ZMIZ1: variants seen among roughly 807,000 people sequenced by gnomAD.
The protein encoded by ZMIZ1 is zinc finger MIZ-type containing 1, also known as zinc finger MIZ domain-containing protein 1.
Under a neutral mutation model 113.9 loss-of-function variants are expected in ZMIZ1, and 17 were observed. The observed-to-expected ratio is 0.15, with a 90% CI of 0.10 to 0.22. ZMIZ1 has a LOEUF of 0.22. Among genes scored for constraint, ZMIZ1 ranks in the 10% least tolerant of loss-of-function variants. The pLI, the probability that ZMIZ1 is intolerant of heterozygous loss-of-function variation, is 1.00. For missense variants in ZMIZ1, 1,059 were observed against 1,477.8 expected (o/e 0.72, Z 4.65); for synonymous variants, 607 against 603.1 (o/e 1.01, Z -0.09).
chr10:79,256,671 C>T (rs1935311047), intron 7 of ZMIZ1, among the ~76,000 whole-genome samples: 1 of 152,244 alleles, frequency 6.6e-6, no homozygotes, highest in Non-Finnish European at 1.5e-5. Flanking sequence ...GACTCTTAAG[C>T]TCCAGCTGTT....
Position 79,305,164 on chromosome 10 carries a change from T to G in ZMIZ1, c.2287T>G (p.Cys763Gly). The G allele has an allele frequency of 1.2e-6, 2 of 1,614,160 alleles. No individual in the cohort carries two copies. Among genetic ancestry groups the G allele is most frequent in the Non-Finnish European group, 1.7e-6 (2 of 1,180,018 alleles). Residue 763 changes from cysteine (C) to glycine (G), a missense_variant and splice_region_variant, in exon 20 of 25, where the codon TGC becomes GGC. Cys to Gly is a radical substitution (Grantham distance 159). Around this residue, in one of 6 missense-constraint regions of ZMIZ1, gnomAD observed 217 missense variants for 426.9 expected, o/e 0.51. Transcript: ENST00000334512. ...ARGHDCKHVQCFDLESYLQLN... is the reference protein window; with the variant it reads ...ARGHDCKHVQGFDLESYLQLN... ...CCTGTGTCTGTCTGTCTGTCTGCAG[T>G]GCTTTGATCTGGAGTCATACCTGCA...
chr10:79,166,001 T>G (rs1419823519), intron 4 of ZMIZ1, among the ~76,000 whole-genome samples: 176 of 61,856 alleles, frequency 2.8e-3, no homozygotes, highest in Non-Finnish European at 4.4e-3. Context: ...TGTGTGTGTG[T>G]GGGCTCTCCC....
At chr10:79,169,794 C>T (rs987297382) in intron 4 of ZMIZ1, among the ~76,000 whole-genome samples, 3 of 152,270 alleles carry the variant, frequency 2.0e-5, no homozygotes, top group Non-Finnish European at 4.4e-5. Context: ...AGTGCACCCA[C>T]CTGGCAGGAT....
intron 16 of ZMIZ1, among the ~76,000 whole-genome samples, chr10:79,299,791 A>G (rs1854168542): frequency 6.6e-6 from 1 of 152,184 alleles, no homozygotes; most frequent in Non-Finnish European, 1.5e-5. Context: ...GAGGCTAGAG[A>G]AGTGAATTGG....
Position 79,178,073 on chromosome 10 carries a change from G to T in ZMIZ1, c.-50+15940G>T, listed in dbSNP as rs561606853. On this transcript the variant is annotated intron_variant, in intron 4 of 24. Transcript: ENST00000334512. ...GCAGCTTGCTGCTGGCTTGGGCTGG[G>T]TGTGATGGGGTGCTGCTGGGGACTC... 2.0e-5 allele frequency among the ~76,000 whole-genome samples: 3 copies of T among 152,356 alleles called. No homozygotes were observed. The East Asian group carries it at 5.8e-4, about 29-fold the overall frequency.
rs576451206 is a variant in ZMIZ1, at chr10:79,288,685, C to T, written c.426-1090C>T. Among the ~76,000 whole-genome samples, 6 of 152,264 alleles carry T rather than the reference C, an allele frequency of 3.9e-5. No homozygotes were observed. In the South Asian group the frequency reaches 1.2e-3, roughly 32 times the overall value. ...CCAGTGCCGGCTCTGGTGGGAGAGG[C>T]AGCTTCATCCCCAGCCTCCTGGGGG... On this transcript the variant is annotated intron_variant, in intron 8 of 24. Transcript: ENST00000334512.
chr10:79,134,862 C>A (rs1007353515), intron 2 of ZMIZ1, among the ~76,000 whole-genome samples: 2 of 151,278 alleles, frequency 1.3e-5, no homozygotes, highest in African/African-American at 4.9e-5. Context: ...GAGTTTCGCT[C>A]TTGTTGCCCA....
chr10:79,211,068 C>T (rs759704467), intron 6 of ZMIZ1, among the ~76,000 whole-genome samples: 1 of 152,220 alleles, frequency 6.6e-6, no homozygotes, highest in Non-Finnish European at 1.5e-5. Flanking sequence ...TCTAGCTTCC[C>T]TTAGAGCTCA....
At chr10:79,216,543 T>C (rs1848738110) in intron 7 of ZMIZ1, 1 of 313,990 alleles carries the variant, frequency 3.2e-6, no homozygotes, top group African/African-American at 2.2e-5. Flanking sequence ...GTAGGCACTG[T>C]GCTACAGGCA....
intron 19 of ZMIZ1, 54 bp from the exon 20 acceptor site, chr10:79,305,110 C>G (rs1854592002): frequency 6.2e-7 from 1 of 1,603,902 alleles, no homozygotes; most frequent in Admixed American, 1.7e-5. Context: ...TGAGGCACAT[C>G]TAGGCAGTTT....
chr10:79,300,393 G>A (rs1326202897), intron 16 of ZMIZ1, among the ~76,000 whole-genome samples: 1 of 152,184 alleles, frequency 6.6e-6, no homozygotes, highest in Admixed American at 6.5e-5. Flanking sequence ...AGCAGGTCTT[G>A]TCAAATGAGT....
intron 7 of ZMIZ1, among the ~76,000 whole-genome samples, chr10:79,259,024 C>T (rs1364405315): frequency 6.6e-6 from 1 of 152,038 alleles, no homozygotes; most frequent in Admixed American, 6.6e-5. Context: ...AATTTGTAGG[C>T]GAGGGGAGGA....
intron 7 of ZMIZ1, among the ~76,000 whole-genome samples, chr10:79,271,994 C>T (rs1026390230): frequency 6.6e-6 from 1 of 152,180 alleles, no homozygotes; most frequent in Non-Finnish European, 1.5e-5. Flanking sequence ...TAAGGCTGGG[C>T]TCAGTGGCTT....
chr10:79,179,189 T>C (rs1847003901), intron 4 of ZMIZ1, among the ~76,000 whole-genome samples: 2 of 152,244 alleles, frequency 1.3e-5, no homozygotes, highest in Non-Finnish European at 2.9e-5. Context: ...TTAATGTTAC[T>C]GGTAGCAACA....
At chr10:79,104,677 A>G (rs1413096253) in intron 1 of ZMIZ1, among the ~76,000 whole-genome samples, 1 of 152,164 alleles carries the variant, frequency 6.6e-6, no homozygotes, top group African/African-American at 2.4e-5. Context: ...GCTTCCTGTG[A>G]GAGCCACAGC....
intron 2 of ZMIZ1, among the ~76,000 whole-genome samples, chr10:79,138,621 A>G (rs1035736878): frequency 3.9e-5 from 6 of 152,192 alleles, no homozygotes; most frequent in Non-Finnish European, 7.3e-5. Context: ...TTGGCCTGAT[A>G]CAATGACCAG....
At position 79,139,796 on chromosome 10, in the gene ZMIZ1, G is replaced by A; in HGVS notation, c.-131+19G>A. The A allele has an allele frequency of 2.5e-6, 1 of 398,732 alleles. No individual in the cohort carries two copies. The allele number at this position is 398,732 out of a possible 1,614,324, so 24.7% of individuals were successfully genotyped here. A position where few individuals can be genotyped will look rare whatever the true frequency, so the allele number is the denominator to read the frequency against. On this transcript the variant is annotated intron_variant, in intron 3 of 24. Coordinates refer to ENST00000334512, the MANE Select transcript of ZMIZ1 (RefSeq NM_020338.4). ...CCGAAAGGTAACACCAGCCCCCGATGCCCAGGCCATACCATCACCTTTGCC... is the reference window on the plus strand; with the variant it reads ...CCGAAAGGTAACACCAGCCCCCGATACCCAGGCCATACCATCACCTTTGCC...
intron 2 of ZMIZ1, among the ~76,000 whole-genome samples, chr10:79,132,926 G>T (rs1844833101): frequency 6.6e-6 from 1 of 152,144 alleles, no homozygotes; most frequent in East Asian, 1.9e-4. Context: ...TTAGCCTCCT[G>T]CTCCGATGAG....
intron 7 of ZMIZ1, among the ~76,000 whole-genome samples, chr10:79,217,163 C>T (rs904876592): frequency 6.6e-5 from 10 of 152,228 alleles, no homozygotes; most frequent in African/African-American, 2.4e-4. Context: ...GTGGCTCACG[C>T]CTGTAATCCC....
Sources: allele counts gnomAD v4.1 joint callset (sites outside exome capture counted in the v4.1 genomes callset), GRCh38; gene constraint gnomAD v4.1.1; regional missense constraint gnomAD v4.1.1; transcripts MANE v1.5; gene names NCBI Gene and HGNC (gene_info 2026-07-23, HGNC 2026-07-21).